Variants in MCC observed in about 807,000 individuals in gnomAD.
MCC encodes MCC regulator of Wnt signaling pathway.
In MCC, 90 loss-of-function variants were observed where a neutral mutation model predicts 116.2. The ratio of observed to expected loss-of-function variants is 0.77; its 90% CI spans 0.65 to 0.92. MCC has a LOEUF of 0.92. MCC is among the 40% of genes least tolerant of loss of function. The probability of loss-of-function intolerance (pLI) is 0.00; values close to 1 mark genes in which losing one functional copy is unlikely to be tolerated. For synonymous variants in MCC, 578 were observed against 510.5 expected, an observed-to-expected ratio of 1.13 and a Z score of -1.78; for missense variants, 1,516 against 1,312.2, an observed-to-expected ratio of 1.16 and a Z score of -2.40.
chr5:113,100,464 CTTTTTTTTTTT>C (rs10649958), intron 8 of MCC, among the ~76,000 whole-genome samples: 14 of 78,846 alleles, frequency 1.8e-4, no homozygotes, highest in East Asian at 9.6e-4. Context: ...GTATTTTTCC[CTTTTTTTTTTT>C]TTTTTTTTTT....
At chr5:113,428,660 G>C (rs553231924) in intron 1 of MCC, 1 of 152,150 alleles carries the variant, frequency 6.6e-6, no homozygotes, top group Admixed American at 6.5e-5. Context: ...TCCCTCACAG[G>C]TGTTGATCCC....
chr5:113,197,412 G>A (rs1443373550), intron 3 of MCC, among the ~76,000 whole-genome samples: 1 of 152,126 alleles, frequency 6.6e-6, no homozygotes, highest in Non-Finnish European at 1.5e-5. Context: ...CAGTGAAAAG[G>A]CTGTTTGTGG....
chr5:113,290,570 T>C (rs1766452146), intron 3 of MCC, among the ~76,000 whole-genome samples: 1 of 152,228 alleles, frequency 6.6e-6, no homozygotes, highest in Non-Finnish European at 1.5e-5. Context: ...TTTACCCTAA[T>C]ATTGTTAAAC....
intron 1 of MCC, among the ~76,000 whole-genome samples, chr5:113,442,531 T>G (rs1771071964): frequency 6.6e-6 from 1 of 152,230 alleles, no homozygotes; most frequent in Admixed American, 6.5e-5. Flanking sequence ...TTTTGGCTTT[T>G]GTTGCCATTG....
chr5:113,059,021 C>A (rs970093152), intron 14 of MCC, among the ~76,000 whole-genome samples: 1 of 152,166 alleles, frequency 6.6e-6, no homozygotes, highest in Non-Finnish European at 1.5e-5. Flanking sequence ...CTAACACGAA[C>A]GCAGGCAGGC....
At chr5:113,042,839 ATAT>A (rs1414200992) in intron 17 of MCC, among the ~76,000 whole-genome samples, 3 of 151,506 alleles carry the variant, frequency 2.0e-5, no homozygotes, top group Admixed American at 1.3e-4. Flanking sequence ...TAATGTAGAC[ATAT>A]TATGTTAAAT....
chr5:113,056,529 C>A (rs1199308128), intron 14 of MCC, among the ~76,000 whole-genome samples: 1 of 152,104 alleles, frequency 6.6e-6, no homozygotes, highest in Non-Finnish European at 1.5e-5. Context: ...ATGATGAGAA[C>A]ACATGAACAC....
chr5:113,288,707 G>A (rs1218573646), intron 3 of MCC, among the ~76,000 whole-genome samples: 2 of 152,232 alleles, frequency 1.3e-5, no homozygotes, highest in Non-Finnish European at 2.9e-5. Context: ...ATCAAAAGCT[G>A]AGGGCAGTAA....
At chr5:113,324,888 G>A (rs373810215) in intron 3 of MCC, among the ~76,000 whole-genome samples, 14 of 150,986 alleles carry the variant, frequency 9.3e-5, no homozygotes, top group Non-Finnish European at 1.6e-4. Context: ...GCTAGAGTGC[G>A]GTGGTGCAGT....
intron 1 of MCC, chr5:113,435,015 T>C: frequency 1.4e-6 from 1 of 725,142 alleles, no homozygotes. Flanking sequence ...GTCTCCCAGA[T>C]GACTTCAGCG....
At chr5:113,083,421 T>C (rs1437592096) in intron 10 of MCC, among the ~76,000 whole-genome samples, 2 of 152,212 alleles carry the variant, frequency 1.3e-5, no homozygotes, top group African/African-American at 4.8e-5. Flanking sequence ...CAATTTGGCT[T>C]TGGCACAGAA....
chr5:113,226,488 C>G (rs1436994601), intron 3 of MCC, among the ~76,000 whole-genome samples: 1 of 152,216 alleles, frequency 6.6e-6, no homozygotes, highest in Non-Finnish European at 1.5e-5. Context: ...AGAACAAAAT[C>G]AGGCTTTCAA....
At chr5:113,374,258 A>C (rs1768925234) in intron 2 of MCC, among the ~76,000 whole-genome samples, 2 of 150,176 alleles carry the variant, frequency 1.3e-5, no homozygotes, top group Non-Finnish European at 3.0e-5. Flanking sequence ...TAGTCGCTCC[A>C]GAAAATGTCT....
chr5:113,346,642 C>T (rs1215508640), intron 2 of MCC, among the ~76,000 whole-genome samples: 3 of 151,110 alleles, frequency 2.0e-5, no homozygotes, highest in African/African-American at 7.3e-5. Context: ...ACAAAAAAAA[C>T]AACAAAAAGT....
In MCC at chr5:113,122,721, G is replaced by C; in HGVS notation, c.990C>G (p.Ile330Met). Reference protein sequence around the residue: ...SMDQDQTSVSIPENQSTMVTA... With the variant: ...SMDQDQTSVSMPENQSTMVTA... ...TAACCATGGTAGACTGGTTTTCGGG[G>C]ATAGAGACAGAGGTCTGGTCTTGGT... Residue 330 changes from isoleucine (I) to methionine (M), a missense_variant, in exon 6 of 19, where the codon ATC becomes ATG. Ile to Met is a conservative substitution (Grantham distance 10). Coordinates refer to ENST00000408903, the MANE Select transcript of MCC (RefSeq NM_001085377.2). 1 of 1,614,164 alleles carries C rather than the reference G, an allele frequency of 6.2e-7. No homozygotes were observed. Among genetic ancestry groups the C allele is most frequent in the Non-Finnish European group, 8.5e-7 (1 of 1,180,024 alleles).
rs575673647 is a variant in MCC at position 113,420,848 on chromosome 5, C to T, written c.171-35636G>A. On this transcript the variant is annotated intron_variant, in intron 1 of 18. Coordinates refer to ENST00000408903, the MANE Select transcript of MCC (RefSeq NM_001085377.2). Reference sequence around the variant, plus strand: ...CTTTTTTCCTGCTTAACTGCCTTTCCGGGGATATATCAGGCAGTTAGCTCT... The same window carrying T: ...CTTTTTTCCTGCTTAACTGCCTTTCTGGGGATATATCAGGCAGTTAGCTCT... Among the ~76,000 whole-genome samples, 14 of 152,100 alleles carry T rather than the reference C, an allele frequency of 9.2e-5. No individual in the cohort carries two copies. The South Asian group carries it at 1.2e-3, about 14-fold the overall frequency.
chr5:113,087,825 TG>T (rs1425487286), intron 8 of MCC, among the ~76,000 whole-genome samples: 1 of 151,902 alleles, frequency 6.6e-6, no homozygotes, highest in Non-Finnish European at 1.5e-5. Context: ...AAAAAAATCC[TG>T]GGCAATTTAT....
At chr5:113,167,456 A>T (rs1025265694) in intron 3 of MCC, among the ~76,000 whole-genome samples, 2 of 152,216 alleles carry the variant, frequency 1.3e-5, no homozygotes, top group Non-Finnish European at 2.9e-5. Context: ...AAAGTGATTG[A>T]TACATAAAGG....
intron 8 of MCC, among the ~76,000 whole-genome samples, chr5:113,088,422 G>C (rs1429143311): frequency 2.0e-5 from 3 of 151,310 alleles, no homozygotes; most frequent in Non-Finnish European, 2.9e-5. Context: ...TCCCCCAAAA[G>C]ATATGTCCAA....
Sources: gnomAD v4.1 joint callset for allele counts (sites outside exome capture counted in the v4.1 genomes callset) on GRCh38, gnomAD v4.1.1 for gene constraint, MANE v1.5 for transcripts, NCBI Gene and HGNC (gene_info 2026-07-23, HGNC 2026-07-21) for gene names.